The following STARD6 variants were observed in gnomAD, a reference collection of about 807,000 sequenced individuals.
The protein encoded by STARD6 is StAR related lipid transfer domain containing 6, also known as stAR-related lipid transfer protein 6.
In STARD6, 21 loss-of-function variants were observed where a neutral mutation model predicts 22.3. The ratio of observed to expected loss-of-function variants is 0.94; its 90% CI spans 0.67 to 1.35. STARD6 has a LOEUF of 1.35. Ranked by LOEUF, STARD6 falls within the 40% of genes most tolerant of loss-of-function variation. STARD6 has a pLI of 0.00. For missense variants in STARD6, 269 were observed against 266.9 expected (o/e 1.01, Z -0.05); for synonymous variants, 80 against 88.1 (o/e 0.91, Z 0.52).
At chr18:54,340,158 C>T (rs1434974278) in intron 4 of STARD6, among the ~76,000 whole-genome samples, 1 of 151,856 alleles carries the variant, frequency 6.6e-6, no homozygotes, top group Non-Finnish European at 1.5e-5. Context: ...TTGTATTCTC[C>T]TATTAAGTTC....
At chr18:54,357,185 A>G (rs1439018939) in intron 1 of STARD6, 2 of 152,224 alleles carry the variant, frequency 1.3e-5, no homozygotes, top group East Asian at 3.8e-4. Context: ...TGATACACCA[A>G]TTGGTTGAAA....
At position 54,337,236 on chromosome 18, in the gene STARD6, C is replaced by G. The variant is rs762598760; in HGVS notation, c.156G>C (p.Gly52=). ...KFHGNLYRVE[G]IIPESPAKLS... ...GTTTAGCTGGTGATTCTGGAATTAT[C>G]CCTTCAACACGATATCTACAGTTAA... The change falls in exon 5 of 8, where the codon GGG becomes GGC. Residue 52 remains glycine, a synonymous_variant. Coordinates refer to ENST00000307844, the MANE Select transcript of STARD6 (RefSeq NM_139171.2). 2 of 1,612,376 alleles carry G rather than the reference C, an allele frequency of 1.2e-6. No individual in the cohort carries two copies. Among genetic ancestry groups the G allele is most frequent in the Non-Finnish European group, 1.7e-6 (2 of 1,179,394 alleles).
chr18:54,357,360 C>T (rs1414165514), intron 1 of STARD6, among the ~76,000 whole-genome samples: 2 of 152,134 alleles, frequency 1.3e-5, no homozygotes, highest in African/African-American at 4.8e-5. Flanking sequence ...TTTGTTAAAT[C>T]CCATCCCTGG....
At position 54,328,058 on chromosome 18, in the gene STARD6, G is replaced by A. The variant is rs563806617; in HGVS notation, c.479+1289C>T. Among the ~76,000 whole-genome samples, 28 of 152,108 alleles carry A rather than the reference G, an allele frequency of 1.8e-4. No homozygotes were observed. In the South Asian group the frequency reaches 4.4e-3, roughly 24 times the overall value. On this transcript the variant is annotated intron_variant, in intron 7 of 7. Coordinates refer to ENST00000307844, the MANE Select transcript of STARD6 (RefSeq NM_139171.2). ...TTCAGGCTGTATAGGCCACCCACCC[G>A]TTAGTCACTTAGTAGCCCTCTTGAT... is the stretch of plus-strand genomic sequence containing the variant.
intron 4 of STARD6, among the ~76,000 whole-genome samples, chr18:54,348,475 T>C (rs2089059817): frequency 6.6e-6 from 1 of 152,090 alleles, no homozygotes; most frequent in Non-Finnish European, 1.5e-5. Context: ...AGAATAATGA[T>C]TAAGAAAGTA....
At chr18:54,331,906 A>G (rs1283729355) in intron 5 of STARD6, 47 bp from the exon 6 acceptor site, 1 of 1,314,800 alleles carries the variant, frequency 7.6e-7, no homozygotes, top group African/African-American at 1.5e-5. Context: ...CTTAATATCT[A>G]TTCTTTGTAT....
intron 5 of STARD6, among the ~76,000 whole-genome samples, chr18:54,334,001 A>G (rs1374947390): frequency 1.3e-5 from 2 of 152,206 alleles, no homozygotes; most frequent in Admixed American, 6.5e-5. Context: ...TCTAGGACTC[A>G]TTTTTAAAAA....
chr18:54,331,902 A>G (rs1404098576), intron 5 of STARD6, 43 bp from the exon 6 acceptor site: 2 of 1,362,512 alleles, frequency 1.5e-6, no homozygotes, highest in African/African-American at 2.9e-5. Flanking sequence ...GTTACTTAAT[A>G]TCTATTCTTT....
chr18:54,344,031 TG>T (rs2089011884), intron 4 of STARD6, among the ~76,000 whole-genome samples: 2 of 45,612 alleles, frequency 4.4e-5, no homozygotes, highest in Admixed American at 3.3e-4. Context: ...TACTGGGAAG[TG>T]AGGAGCCCCT....
chr18:54,340,349 T>G (rs1314562246), intron 4 of STARD6, among the ~76,000 whole-genome samples: 2 of 152,172 alleles, frequency 1.3e-5, no homozygotes, highest in African/African-American at 4.8e-5. Flanking sequence ...CAGTAGATTC[T>G]GATGAATTAA....
chr18:54,346,185 T>C (rs1431247214), intron 4 of STARD6, among the ~76,000 whole-genome samples: 1 of 152,142 alleles, frequency 6.6e-6, no homozygotes, highest in Non-Finnish European at 1.5e-5. Context: ...TAAACTAGTA[T>C]CCACAGTGTA....
chr18:54,338,299 T>TA (rs1463416048), intron 4 of STARD6, among the ~76,000 whole-genome samples: 2 of 152,192 alleles, frequency 1.3e-5, no homozygotes, highest in African/African-American at 4.8e-5. Context: ...AGTCCCTGGC[T>TA]AAATCCAGAG....
rs754961414 is a variant in STARD6 at position 54,331,746 on chromosome 18, G to T, written c.381C>A (p.Ile127=). Residue 127 remains isoleucine (I), a synonymous_variant, in exon 6 of 8, where the codon ATC becomes ATA. Transcript: ENST00000307844. ...GGGCAAAATGTTTCAACTTACAACTGATAATGTTCATATTTCCTTCGTAGC... is the reference window on the plus strand; with the variant it reads ...GGGCAAAATGTTTCAACTTACAACTTATAATGTTCATATTTCCTTCGTAGC... ...IKRYEGNMNI[I]SSKSVDFPEY... The T allele has an allele frequency of 1.9e-6, 3 of 1,603,334 alleles. No individual in the cohort carries two copies. Among genetic ancestry groups the T allele is most frequent in the Admixed American group, 3.4e-5 (2 of 59,604 alleles).
Position 54,329,420 on chromosome 18 carries a change from C to G in STARD6, c.406G>C (p.Glu136Gln). Reference protein sequence around the residue: ...IISSKSVDFPEYPPSSNYIRG... With the variant: ...IISSKSVDFPQYPPSSNYIRG... ...ATATAATTTGAAGATGGAGGATATT[C>G]TGGAAAATCCACACTTTTAGCTAAG... Residue 136 changes from glutamate (E) to glutamine (Q), a missense_variant, in exon 7 of 8, where the codon GAA becomes CAA. Transcript: ENST00000307844. 1 of 1,601,272 alleles carries G rather than the reference C, an allele frequency of 6.2e-7. No individual in the cohort carries two copies. Among genetic ancestry groups the G allele is most frequent in the Non-Finnish European group, 8.5e-7 (1 of 1,175,266 alleles).
intron 4 of STARD6, among the ~76,000 whole-genome samples, chr18:54,340,344 G>A (rs2088958731): frequency 1.3e-5 from 2 of 152,074 alleles, no homozygotes; most frequent in South Asian, 4.1e-4. Context: ...ATCTGCAGTA[G>A]ATTCTGATGA....
intron 4 of STARD6, among the ~76,000 whole-genome samples, chr18:54,351,566 A>G (rs563900779): frequency 2.0e-5 from 3 of 152,148 alleles, no homozygotes; most frequent in Non-Finnish European, 4.4e-5. Context: ...TGTTCAGCAT[A>G]ATGTTGGCTG....
intron 7 of STARD6, among the ~76,000 whole-genome samples, chr18:54,326,643 T>G (rs971608072): frequency 1.3e-5 from 2 of 151,688 alleles, no homozygotes; most frequent in Admixed American, 6.6e-5. Context: ...GGTCTTTTTT[T>G]AATGATAAAC....
intron 4 of STARD6, 51 bp downstream of exon 4, chr18:54,354,003 T>G: frequency 1.7e-6 from 2 of 1,145,528 alleles, no homozygotes; most frequent in South Asian, 1.5e-5. Flanking sequence ...TCCAGATACA[T>G]CAATGGCATT....
rs769019162 is a variant in STARD6 at position 54,331,822 on chromosome 18, G to A, written c.305C>T (p.Ala102Val). ...GTCTCGAGGGGAAATGGAGCCCACG[G>A]CAAAACTTTGTGTAATGGTATGACA... ...FICHTITQSF[A>V]VGSISPRDFI... The change falls in exon 6 of 8, where the codon GCC (alanine) becomes GTC (valine). Residue 102 changes from alanine to valine, a missense_variant. By Grantham distance (64) the Ala-to-Val change is moderately conservative (BLOSUM62 0). Coordinates refer to ENST00000307844, the MANE Select transcript of STARD6 (RefSeq NM_139171.2). 14 of 1,612,922 alleles carry A rather than the reference G, an allele frequency of 8.7e-6. No homozygotes were observed. Among genetic ancestry groups the A allele is most frequent in the Admixed American group, 3.3e-5 (2 of 59,936 alleles).
Sources: allele counts gnomAD v4.1 joint callset (sites outside exome capture counted in the v4.1 genomes callset), GRCh38; gene constraint gnomAD v4.1.1; transcripts MANE v1.5; gene names NCBI Gene and HGNC (gene_info 2026-07-23, HGNC 2026-07-21).